The following SYNE4 variants were observed in gnomAD, a reference collection of about 807,000 sequenced individuals.
SYNE4 encodes spectrin repeat containing nuclear envelope family member 4.
In SYNE4, 41 loss-of-function variants were observed where a neutral mutation model predicts 46.9. The observed-to-expected ratio is 0.87, with a 90% confidence interval of 0.68 to 1.13. The LOEUF (loss-of-function observed/expected upper bound fraction) is 1.13, where lower values mean the gene tolerates loss of function less well. Among genes scored for constraint, SYNE4 ranks in the 50% most tolerant of loss-of-function variants. The probability of loss-of-function intolerance (pLI) is 0.00; values close to 1 mark genes in which losing one functional copy is unlikely to be tolerated. For missense variants in SYNE4, 492 were observed against 514.8 expected (o/e 0.96, Z 0.43); for synonymous variants, 221 against 219.5 (o/e 1.01, Z -0.06).
rs1320095862 is a variant in SYNE4 at position 36,008,350 on chromosome 19, G to GTCTGGGCCTGC, written c.135_145dup (p.Thr49SerfsTer58). On this transcript the variant is annotated frameshift_variant, in exon 2 of 8. Coordinates refer to ENST00000324444, the MANE Select transcript of SYNE4 (RefSeq NM_001039876.3). LOFTEE classifies it high-confidence loss of function. The stretch of plus-strand genomic sequence containing the variant: ...AGGGCCCAAGGAGTCCTGTCCCAGG[G>GTCTGGGCCTGC]TCTGGGCCTGCTCTGGGCTAGGAGG... The GTCTGGGCCTGC allele has an allele frequency of 6.4e-7, 1 of 1,561,578 alleles. No individual in the cohort carries two copies.
At position 36,006,901 on chromosome 19, in the gene SYNE4, G is replaced by A. The variant is rs762642447; in HGVS notation, c.467C>T (p.Ala156Val). 72 of 1,556,038 alleles carry A rather than the reference G, an allele frequency of 4.6e-5. No homozygotes were observed. The highest frequency in any genetic ancestry group is 5.9e-5 in the Non-Finnish European group (68 of 1,150,402). ...CAGCCCCTCACCAAACGCTAGCAGC[G>A]CCTCCACACGCTCAGCTGCCCCTCG... ...DLRGAAERVE[A>V]LLAFGEGLAQ... is the part of the protein sequence containing the mutation. The change falls in exon 4 of 8, where the codon GCG becomes GTG. Residue 156 changes from alanine to valine, a missense_variant. Ala to Val is a moderately conservative substitution (Grantham distance 64, BLOSUM62 0). Transcript: ENST00000324444.
At position 36,008,585 on chromosome 19, in the gene SYNE4, C is replaced by G. The variant is rs200926652; in HGVS notation, c.97G>C (p.Val33Leu). ...PREADIVGCT[V>L]CPASGEESTS... ...CTCTCCTCTCCGGACGCGGGGCAGA[C>G]GGTGCATCCAACAATGTCCGCCTCT... The change falls in exon 1 of 8, where the codon GTC becomes CTC. Residue 33 changes from valine to leucine, a missense_variant. Transcript: ENST00000324444. 9.9e-6 allele frequency: 16 copies of G among 1,613,972 alleles called. No individual in the cohort carries two copies. The highest frequency in any genetic ancestry group is 1.4e-5 in the Non-Finnish European group (16 of 1,179,928).
At chr19:36,007,406 T>A in intron 2 of SYNE4, 138 bp from the exon 3 acceptor site, 1 of 1,427,154 alleles carries the variant, frequency 7.0e-7, no homozygotes, top group Middle Eastern at 2.3e-4. Context: ...TGCACCAGGA[T>A]GGCTCCCACT....
intron 6 of SYNE4, 113 bp downstream of exon 6, chr19:36,005,220 T>G: frequency 8.6e-7 from 1 of 1,159,072 alleles, no homozygotes. Context: ...GACCTTTCCA[T>G]TACTTTTTTT....
At chr19:36,004,822 C>G (rs1453600310) in intron 6 of SYNE4, among the ~76,000 whole-genome samples, 1 of 151,374 alleles carries the variant, frequency 6.6e-6, no homozygotes, top group South Asian at 2.1e-4. Context: ...GGACTTAGAG[C>G]CCAAGAAAGG....
intron 2 of SYNE4, chr19:36,007,505 G>GT (rs1968403020): frequency 3.0e-6 from 3 of 985,358 alleles, no homozygotes; most frequent in Non-Finnish European, 3.6e-6. Flanking sequence ...ACTTGGATGT[G>GT]TGAGGCCTGG....
Position 36,006,872 on chromosome 19 carries a change from G to C in SYNE4, c.496C>G (p.Gln166Glu), listed in dbSNP as rs1976870100. ...ALLAFGEGLAQRSEPRAWAAL... is the reference protein window; with the variant it reads ...ALLAFGEGLAERSEPRAWAAL... ...GCCCAGGCCCTGGGCTCACTCCGCT[G>C]TGCCAGCCCCTCACCAAACGCTAGC... Residue 166 changes from glutamine to glutamate, a missense_variant, in exon 4 of 8, where the codon CAG becomes GAG. By Grantham distance (29) the Gln-to-Glu change is conservative. Coordinates refer to ENST00000324444, the MANE Select transcript of SYNE4 (RefSeq NM_001039876.3). 6.4e-7 allele frequency: 1 copy of C among 1,573,482 alleles called. No individual in the cohort carries two copies. Among genetic ancestry groups the C allele is most frequent in the Non-Finnish European group, 8.6e-7 (1 of 1,160,460 alleles).
At chr19:36,004,096 C>A (rs564773572) in intron 6 of SYNE4, among the ~76,000 whole-genome samples, 14 of 152,268 alleles carry the variant, frequency 9.2e-5, no homozygotes, top group African/African-American at 3.4e-4. Flanking sequence ...GCAGCCCCAA[C>A]CTCCTGGGCT....
In SYNE4 at chr19:36,008,328, G is replaced by A; in HGVS notation, c.168C>T (p.Gly56=). 6.4e-7 allele frequency: 1 copy of A among 1,570,676 alleles called. No individual in the cohort carries two copies. Among genetic ancestry groups the A allele is most frequent in the Non-Finnish European group, 8.6e-7 (1 of 1,156,262 alleles). Residue 56 remains glycine, a synonymous_variant, in exon 2 of 8, where the codon GGC becomes GGT. Coordinates refer to ENST00000324444, the MANE Select transcript of SYNE4 (RefSeq NM_001039876.3). The part of the protein sequence containing the change: ...QAQTLGQDSL[G]PPEHFQGGPR... ...GCCCACCCTGGAAGTGCTCAGGAGG[G>A]CCCAAGGAGTCCTGTCCCAGGGTCT...
chr19:36,007,509 G>T, intron 2 of SYNE4: 1 of 985,354 alleles, frequency 1.0e-6, no homozygotes, highest in Non-Finnish European at 1.2e-6. Flanking sequence ...GGATGTGTGA[G>T]GCCTGGGGGG....
At chr19:36,005,269 C>A (rs577973078) in intron 6 of SYNE4, 64 bp downstream of exon 6, 112 of 1,443,398 alleles carry the variant, frequency 7.8e-5, no homozygotes, top group Middle Eastern at 5.3e-4. Context: ...CTTTTGATTT[C>A]TTGGGTTTCT....
chr19:36,005,470 G>A (rs780754336), intron 5 of SYNE4, 33 bp from the exon 6 acceptor site: 1 of 1,604,658 alleles, frequency 6.2e-7, no homozygotes, highest in East Asian at 2.2e-5. Flanking sequence ...AAACGTGGTT[G>A]GGGGAGGGCC....
At position 36,007,544 on chromosome 19, in the gene SYNE4, A is replaced by AC. The variant is rs934557772; in HGVS notation, c.280-277dup. 4.1e-6 allele frequency: 4 copies of AC among 984,606 alleles called. No homozygotes were observed. The African/African-American group carries it at 7.0e-5, about 17-fold the overall frequency. The allele number at this position is 984,606 out of a possible 1,614,324, so 61.0% of individuals were successfully genotyped here. The stretch of plus-strand genomic sequence containing the variant: ...GTCTGGACAGGGAGCGGGGCTGGGT[A>AC]CCCCCCAAGAAGAATGGGGCTACAC... On this transcript the variant is annotated intron_variant, in intron 2 of 7. Coordinates refer to ENST00000324444, the MANE Select transcript of SYNE4 (RefSeq NM_001039876.3).
chr19:36,007,222 A>G lies in SYNE4; in HGVS notation c.326T>C (p.Leu109Pro), dbSNP rs371407193. 5 of 1,590,880 alleles carry G rather than the reference A, an allele frequency of 3.1e-6. No homozygotes were observed. The African/African-American group carries it at 4.0e-5, about 13-fold the overall frequency. Reference sequence around the variant, plus strand: ...GCCCAGCCCCAGCAGGCACAGGTGCAGGCTGTTCTGCTCAGCCTCTAGTAC... The same window carrying G: ...GCCCAGCCCCAGCAGGCACAGGTGCGGGCTGTTCTGCTCAGCCTCTAGTAC... ...LEVLEAEQNSLHLCLLGLGRR... is the reference protein window; with the variant it reads ...LEVLEAEQNSPHLCLLGLGRR... Residue 109 changes from leucine (L) to proline (P), a missense_variant, in exon 3 of 8, where the codon CTG becomes CCG. Transcript: ENST00000324444.
At chr19:36,008,122 C>T in intron 2 of SYNE4, 95 bp downstream of exon 2, 1 of 1,446,602 alleles carries the variant, frequency 6.9e-7, no homozygotes, top group South Asian at 1.5e-5. Flanking sequence ...AACACCTTTC[C>T]AGAATCATCA....
rs754761165 is a variant in SYNE4 at position 36,008,272 on chromosome 19, G to A, written c.224C>T (p.Pro75Leu). The A allele has an allele frequency of 1.6e-5, 25 of 1,603,038 alleles. No homozygotes were observed. Among genetic ancestry groups the A allele is most frequent in the Middle Eastern group, 1.7e-4 (1 of 5,994 alleles). The change falls in exon 2 of 8, where the codon CCG (proline) becomes CTG (leucine). Residue 75 changes from proline (P) to leucine (L), a missense_variant. Transcript: ENST00000324444. The part of the protein sequence containing the change: ...PRGNEPAAHP[P>L]RWSTPSSYED... The stretch of plus-strand genomic sequence containing the variant: ...GTAGGAAGAGGGTGTTGACCATCTC[G>A]GGGGGTGAGCGGCAGGCTCATTGCC...
At chr19:36,003,583 C>T (rs1976747417) in intron 7 of SYNE4, 30 bp downstream of exon 7, 8 of 1,610,634 alleles carry the variant, frequency 5.0e-6, no homozygotes, top group Non-Finnish European at 6.8e-6. Context: ...CTGTCCCCCA[C>T]ACCCTAGTCC....
chr19:36,005,523 A>G, intron 5 of SYNE4, 86 bp from the exon 6 acceptor site: 1 of 1,244,210 alleles, frequency 8.0e-7, no homozygotes, highest in Non-Finnish European at 1.2e-6. Flanking sequence ...GGGAGCAGAG[A>G]GATCTCACAG....
intron 1 of SYNE4, 24 bp from the exon 2 acceptor site, chr19:36,008,391 G>A (rs573216930): frequency 6.4e-7 from 1 of 1,559,098 alleles, no homozygotes; most frequent in South Asian, 1.2e-5. Context: ...GGCGGTGACT[G>A]GGTGAGTCTC....
Sources: gnomAD v4.1 joint callset for allele counts (sites outside exome capture counted in the v4.1 genomes callset) on GRCh38, gnomAD v4.1.1 for gene constraint, MANE v1.5 for transcripts, NCBI Gene and HGNC (gene_info 2026-07-23, HGNC 2026-07-21) for gene names.